Variants in CAMK1D observed in about 807,000 individuals in gnomAD.
CAMK1D encodes calcium/calmodulin-dependent protein kinase type 1D.
A neutral mutation model predicts 47.7 loss-of-function variants in CAMK1D; 9 were observed. The observed-to-expected ratio is 0.19, with a 90% CI of 0.11 to 0.33. The LOEUF is 0.33. Ranked by LOEUF, CAMK1D falls within the 10% of genes least tolerant of loss-of-function variation. CAMK1D has a pLI of 1.00. For synonymous variants in CAMK1D, 184 were observed against 184.9 expected, an observed-to-expected ratio of 0.99 and a Z score of 0.04; for missense variants, 291 against 488.7, an observed-to-expected ratio of 0.60 and a Z score of 3.81.
intron 3 of CAMK1D, among the ~76,000 whole-genome samples, chr10:12,734,463 T>TATGTATATATATACAC (rs1564524565): frequency 2.2e-4 from 1 of 4,560 alleles, no homozygotes; most frequent in African/African-American, 2.4e-4. Context: ...TATATACACA[T>TATGTATATATATACAC]ACACATATGT....
At chr10:12,373,715 A>C (rs944973184) in intron 1 of CAMK1D, among the ~76,000 whole-genome samples, 4 of 151,940 alleles carry the variant, frequency 2.6e-5, no homozygotes, top group Non-Finnish European at 5.9e-5. Flanking sequence ...GCATGCTTAC[A>C]TCACCTGCTG....
At chr10:12,601,806 C>T (rs112594637) in intron 2 of CAMK1D, among the ~76,000 whole-genome samples, 1 of 152,316 alleles carries the variant, frequency 6.6e-6, no homozygotes, top group Non-Finnish European at 1.5e-5. Flanking sequence ...CAGTGGCAAG[C>T]CATCAGCAGG....
chr10:12,602,442 A>G (rs1255126153), intron 2 of CAMK1D, among the ~76,000 whole-genome samples: 2 of 152,152 alleles, frequency 1.3e-5, no homozygotes, highest in Admixed American at 6.5e-5. Context: ...GACTTTTCCA[A>G]CCCTGAAAAG....
At chr10:12,734,100 C>T (rs552467007) in intron 3 of CAMK1D, among the ~76,000 whole-genome samples, 2 of 151,218 alleles carry the variant, frequency 1.3e-5, no homozygotes, top group Middle Eastern at 3.4e-3. Flanking sequence ...GTCCGAGGCG[C>T]GTGGATCACT....
intron 1 of CAMK1D, among the ~76,000 whole-genome samples, chr10:12,364,362 G>A (rs1054564720): frequency 1.3e-4 from 20 of 148,676 alleles, no homozygotes; most frequent in Admixed American, 2.7e-4. Context: ...CTGCCTCGGC[G>A]CCCCTAGTAG....
chr10:12,717,069 A>T (rs1427873632), intron 3 of CAMK1D, among the ~76,000 whole-genome samples: 1 of 152,226 alleles, frequency 6.6e-6, no homozygotes, highest in Non-Finnish European at 1.5e-5. Context: ...GTGATAATGT[A>T]CATTTCAGTC....
At chr10:12,563,885 C>T (rs1293850444) in intron 2 of CAMK1D, among the ~76,000 whole-genome samples, 2 of 152,140 alleles carry the variant, frequency 1.3e-5, no homozygotes, top group African/African-American at 2.4e-5. Context: ...TGTTTATTTC[C>T]TTGTGCCATC....
At chr10:12,773,367 C>T (rs185551913) in intron 5 of CAMK1D, among the ~76,000 whole-genome samples, 60 of 152,258 alleles carry the variant, frequency 3.9e-4, no homozygotes, top group African/African-American at 1.3e-3. Context: ...TGGTCGAGTT[C>T]CTGGTATGAA....
At chr10:12,595,555 T>C (rs1159419594) in intron 2 of CAMK1D, among the ~76,000 whole-genome samples, 1 of 152,004 alleles carries the variant, frequency 6.6e-6, no homozygotes, top group East Asian at 1.9e-4. Flanking sequence ...CCATCTTGAA[T>C]GTCTTGATTG....
At chr10:12,547,669 C>T (rs80193815) in intron 1 of CAMK1D, among the ~76,000 whole-genome samples, 2 of 68,258 alleles carry the variant, frequency 2.9e-5, no homozygotes, top group South Asian at 6.5e-4. Context: ...CTCTCTCTCT[C>T]TCTTTCTCTC....
intron 1 of CAMK1D, among the ~76,000 whole-genome samples, chr10:12,439,715 A>G (rs757529493): frequency 1.3e-5 from 2 of 152,234 alleles, no homozygotes; most frequent in East Asian, 1.9e-4. Flanking sequence ...GTTTTTCTAA[A>G]TAAAATGGGA....
At chr10:12,736,817 A>T (rs2130831694) in intron 3 of CAMK1D, among the ~76,000 whole-genome samples, 1 of 152,256 alleles carries the variant, frequency 6.6e-6, no homozygotes, top group East Asian at 1.9e-4. Context: ...GAAACCCACG[A>T]GGAACTGGCA....
intron 1 of CAMK1D, among the ~76,000 whole-genome samples, chr10:12,415,065 CTT>C (rs1839795424): frequency 6.6e-6 from 1 of 152,080 alleles, no homozygotes; most frequent in Non-Finnish European, 1.5e-5. Context: ...AGATTTTCCT[CTT>C]GTTTTCATGT....
intron 2 of CAMK1D, among the ~76,000 whole-genome samples, chr10:12,574,932 A>G (rs1381861232): frequency 6.6e-6 from 1 of 152,032 alleles, no homozygotes; most frequent in African/African-American, 2.4e-5. Context: ...TGAGGAGAAC[A>G]ACACCAGTGG....
chr10:12,503,137 C>T (rs1283133620), intron 1 of CAMK1D, among the ~76,000 whole-genome samples: 1 of 152,150 alleles, frequency 6.6e-6, no homozygotes, highest in African/African-American at 2.4e-5. Context: ...TACATGTGCA[C>T]ACATAGGTGA....
chr10:12,394,283 A>T (rs1354771728), intron 1 of CAMK1D, among the ~76,000 whole-genome samples: 1 of 152,112 alleles, frequency 6.6e-6, no homozygotes, highest in African/African-American at 2.4e-5. Flanking sequence ...CCTCCCTCAT[A>T]TCCAGGTGTT....
At position 12,484,082 on chromosome 10, in the gene CAMK1D, G is replaced by A. The variant is rs185758198; in HGVS notation, c.93-69143G>A. Among the ~76,000 whole-genome samples, 69 of 152,254 alleles carry A rather than the reference G, an allele frequency of 4.5e-4. 1 individual carries two copies. The highest frequency in any genetic ancestry group is 3.4e-3 in the Middle Eastern group (1 of 294). ...TGCCCGCAGCCACAATCCTGGACTC[G>A]TAGAAGGCAGGCTTGGGTGGCGTTC... On this transcript the variant is annotated intron_variant, in intron 1 of 10. Transcript: ENST00000619168.
Position 12,825,567 on chromosome 10 carries a change from T to C in CAMK1D, c.922-6T>C. ...TTGTCTGCTTTTTTCCTTTCTGAAA[T>C]TTCAGCAAGCATTTAATGCCACGGC... On this transcript the variant is annotated splice_polypyrimidine_tract_variant and splice_region_variant and intron_variant, in intron 9 of 10. Transcript: ENST00000619168. 6.2e-7 allele frequency: 1 copy of C among 1,601,950 alleles called. No homozygotes were observed. The highest frequency in any genetic ancestry group is 1.1e-5 in the South Asian group (1 of 88,378).
rs556255991 is a variant in CAMK1D at position 12,756,709 on chromosome 10, G to A, written c.300-4239G>A. Among the ~76,000 whole-genome samples the A allele has an allele frequency of 7.2e-5, 11 of 152,264 alleles. No individual in the cohort carries two copies. In the East Asian group the frequency reaches 1.9e-3, roughly 27 times the overall value. ...TGGGAGGCCAAGGTGGGTGGATCAC[G>A]AGGTCAGAAGATCGACACCATCCTG... On this transcript the variant is annotated intron_variant, in intron 3 of 10. Coordinates refer to ENST00000619168, the MANE Select transcript of CAMK1D (RefSeq NM_153498.4).
Sources: gnomAD v4.1 joint callset for allele counts (sites outside exome capture counted in the v4.1 genomes callset) on GRCh38, gnomAD v4.1.1 for gene constraint, MANE v1.5 for transcripts, NCBI Gene and HGNC (gene_info 2026-07-23, HGNC 2026-07-21) for gene names.